Variants in EVPL observed in about 807,000 individuals in gnomAD.
The protein encoded by EVPL is envoplakin.
EVPL carries 94 observed loss-of-function variants against 129.7 expected under a neutral mutation model. That is an observed-to-expected ratio of 0.72 (90% CI 0.61 to 0.86). EVPL has a LOEUF of 0.86. Ranked by LOEUF, EVPL falls within the 40% of genes least tolerant of loss-of-function variation. The pLI is 0.00. For synonymous variants in EVPL, 1,172 were observed against 1,191.1 expected, an observed-to-expected ratio of 0.98 and a Z score of 0.33; for missense variants, 2,625 against 2,721.1, an observed-to-expected ratio of 0.96 and a Z score of 0.79.
At chr17:76,021,346 G>A (rs2066455530) in intron 9 of EVPL, 122 bp downstream of exon 9, 7 of 911,584 alleles carry the variant, frequency 7.7e-6, no homozygotes, top group Non-Finnish European at 1.2e-5. Context: ...GTGAGCCACC[G>A]CGCCCTGCCA....
At position 76,019,048 on chromosome 17, in the gene EVPL, G is replaced by A. The variant is rs374258090; in HGVS notation, c.1150C>T (p.Arg384Trp). The A allele has an allele frequency of 2.7e-5, 43 of 1,574,740 alleles. No homozygotes were observed. Among genetic ancestry groups the A allele is most frequent in the Middle Eastern group, 4.1e-4 (2 of 4,856 alleles). The part of the protein sequence containing the change: ...LLQQLEAEEK[R>W]LAVTERATGD... ...GTGGCCCTCTCGGTGACGGCCAGCC[G>A]TTTTTCCTCTGCCTGCCGGGGGCCC... Residue 384 changes from arginine (R) to tryptophan (W), a missense_variant, in exon 11 of 22, where the codon CGG becomes TGG. By Grantham distance (101) the Arg-to-Trp change is moderately radical. This residue lies in a region of EVPL where 1,024 missense variants were observed against 997.5 expected (regional missense o/e 1.03). Coordinates refer to ENST00000301607, the MANE Select transcript of EVPL (RefSeq NM_001988.4).
Position 76,014,444 on chromosome 17 carries a change from G to C in EVPL, c.2355C>G (p.Tyr785Ter). 1 of 1,610,480 alleles carries C rather than the reference G, an allele frequency of 6.2e-7. No individual in the cohort carries two copies. Among genetic ancestry groups the C allele is most frequent in the Non-Finnish European group, 8.5e-7 (1 of 1,178,906 alleles). ...GCCTCACCTTCTGCGCCTGCAGCTT[G>C]TAGGCGATCTGGCTGGGGCCGTCGC... is the stretch of plus-strand genomic sequence containing the variant. The part of the protein sequence containing the change: ...RPSDGPSQIA[Y>*]KLQAQKRLTQ... The change falls in exon 18 of 22, where the codon TAC (tyrosine) becomes TAG (stop). Residue 785 changes from tyrosine (Y) to a stop codon, truncating the protein, a stop_gained. Transcript: ENST00000301607. LOFTEE classifies it high-confidence loss of function.
chr17:76,017,816 C>T lies in EVPL; in HGVS notation c.1633G>A (p.Val545Met). The part of the protein sequence containing the change: ...DGDLGQIERQ[V>M]LAWARAPLSR... ...AGCGGGGCCCGCGCCCAGGCCAGCA[C>T]CTGCCTCTCTATCTGTCCCAGGTCT... Residue 545 changes from valine (V) to methionine (M), a missense_variant, in exon 14 of 22, where the codon GTG becomes ATG. Around this residue, in one of 4 missense-constraint regions of EVPL, gnomAD observed 1,024 missense variants for 997.5 expected, o/e 1.03. Coordinates refer to ENST00000301607, the MANE Select transcript of EVPL (RefSeq NM_001988.4). 6.2e-7 allele frequency: 1 copy of T among 1,613,810 alleles called. No homozygotes were observed. Among genetic ancestry groups the T allele is most frequent in the Non-Finnish European group, 8.5e-7 (1 of 1,180,036 alleles).
chr17:76,018,535 C>A lies in EVPL; in HGVS notation c.1350G>T (p.Val450=). 1.9e-6 allele frequency: 3 copies of A among 1,612,814 alleles called. No homozygotes were observed. The highest frequency in any genetic ancestry group is 2.5e-6 in the Non-Finnish European group (3 of 1,179,902). The change falls in exon 12 of 22, where the codon GTG becomes GTT. Residue 450 remains valine (V), a synonymous_variant. Transcript: ENST00000301607. Reference sequence around the variant, plus strand: ...GCTTGGTCTCCCCGCCAGGGCCCTGCACGACCCAGGCGTGCGGGTCAGTGT... The same window carrying A: ...GCTTGGTCTCCCCGCCAGGGCCCTGAACGACCCAGGCGTGCGGGTCAGTGT... The part of the protein sequence containing the change: ...VDNTDPHAWV[V]QGPGGETKRA...
In EVPL at chr17:76,007,861, C is replaced by T. The variant is rs1277601771; in HGVS notation, c.5344G>A (p.Gly1782Arg). The T allele has an allele frequency of 3.7e-6, 6 of 1,613,278 alleles. No individual in the cohort carries two copies. In the South Asian group the frequency reaches 6.6e-5, roughly 18 times the overall value. Residue 1782 changes from glycine to arginine, a missense_variant, in exon 22 of 22, where the codon GGG becomes AGG. Gly to Arg is a moderately radical substitution (Grantham distance 125). Around this residue, in one of 4 missense-constraint regions of EVPL, gnomAD observed 1,453 missense variants for 1,511.8 expected, o/e 0.96. Coordinates refer to ENST00000301607, the MANE Select transcript of EVPL (RefSeq NM_001988.4). The surrounding 1 kb of genome is among the most constrained non-coding windows in gnomAD (Gnocchi z 8.8). The stretch of plus-strand genomic sequence containing the variant: ...AGTGAGGAGCTTGGCTTGGTCTCCC[C>T]AGCTACAAGCAGCGCAAACTCGGAG... ...PISEFALLVA[G>R]ETKPSSSLSI...
rs1439343438 is a variant in EVPL at position 76,008,277 on chromosome 17, G to A, written c.4928C>T (p.Ala1643Val). ...CTGGTCCTTCTCGCGGAGGATGGCCGCCTCCAGCCGCGAGAGCTCCTGGCC... is the reference window on the plus strand; with the variant it reads ...CTGGTCCTTCTCGCGGAGGATGGCCACCTCCAGCCGCGAGAGCTCCTGGCC... ...QRGQELSRLEAAILREKDQIY... is the reference protein window; with the variant it reads ...QRGQELSRLEVAILREKDQIY... The change falls in exon 22 of 22, where the codon GCG (alanine) becomes GTG (valine). Residue 1643 changes from alanine (A) to valine (V), a missense_variant. This residue lies in a region of EVPL where 1,453 missense variants were observed against 1,511.8 expected (regional missense o/e 0.96). Coordinates refer to ENST00000301607, the MANE Select transcript of EVPL (RefSeq NM_001988.4). This position sits in a 1 kb window ranked among gnomAD's most constrained non-coding sequence, Gnocchi z 7.4. The A allele has an allele frequency of 1.2e-5, 19 of 1,611,292 alleles. No individual in the cohort carries two copies. The highest frequency in any genetic ancestry group is 1.6e-4 in the Middle Eastern group (1 of 6,082).
rs199755125 is a variant in EVPL, at chr17:76,008,557, G to A, written c.4648C>T (p.Arg1550Trp). ...WEMLNRERTARQAREEEARRL... is the reference protein window; with the variant it reads ...WEMLNRERTAWQAREEEARRL... ...CGTGCCTCCTCCTCCCGGGCCTGCC[G>A]GGCCGTGCGCTCCCTGTTGAGCATC... The change falls in exon 22 of 22, where the codon CGG (arginine) becomes TGG (tryptophan). Residue 1550 changes from arginine (R) to tryptophan (W), a missense_variant. Arg to Trp is a moderately radical substitution (Grantham distance 101). Around this residue, in one of 4 missense-constraint regions of EVPL, gnomAD observed 1,453 missense variants for 1,511.8 expected, o/e 0.96. Coordinates refer to ENST00000301607, the MANE Select transcript of EVPL (RefSeq NM_001988.4). The surrounding 1 kb of genome is among the most constrained non-coding windows in gnomAD (Gnocchi z 7.4). 48 of 1,609,186 alleles carry A rather than the reference G, an allele frequency of 3.0e-5. No homozygotes were observed. The East Asian group carries it at 8.0e-4, about 27-fold the overall frequency.
In EVPL at chr17:76,022,075, T is replaced by C. The variant is rs1330535266; in HGVS notation, c.646-47A>G. ...AGCAGCAGGGTGGGGAGACAGAAAG[T>C]GGGGGGCAAAAGGCGCCATTGGGCC... On this transcript the variant is annotated intron_variant, in intron 6 of 21. Coordinates refer to ENST00000301607, the MANE Select transcript of EVPL (RefSeq NM_001988.4). This position sits in a 1 kb window ranked among gnomAD's most constrained non-coding sequence, Gnocchi z 5.6. The C allele has an allele frequency of 1.9e-6, 3 of 1,562,276 alleles. No individual in the cohort carries two copies.
In EVPL at chr17:76,011,815, T is replaced by C. The variant is rs748468741; in HGVS notation, c.2525A>G (p.Lys842Arg). 20 of 1,612,862 alleles carry C rather than the reference T, an allele frequency of 1.2e-5. No individual in the cohort carries two copies. Among genetic ancestry groups the C allele is most frequent in the Non-Finnish European group, 1.6e-5 (19 of 1,179,628 alleles). The change falls in exon 20 of 22, where the codon AAG becomes AGG. Residue 842 changes from lysine (K) to arginine (R), a missense_variant. Physicochemically the swap from Lys to Arg is conservative, Grantham distance 26. This residue lies in a region of EVPL where 1,024 missense variants were observed against 997.5 expected (regional missense o/e 1.03). Transcript: ENST00000301607. ...LEPTLAVSAP[K>R]RPRVAPLQES... is the part of the protein sequence containing the mutation. ...TTGCAGGGGAGCCACTCGGGGTCTC[T>C]TGGGGGCTGACACTGCCAGGGTGGG...
rs1167629734 is a variant in EVPL at position 76,009,434 on chromosome 17, C to T, written c.3771G>A (p.Val1257=). 6.2e-7 allele frequency: 1 copy of T among 1,614,138 alleles called. No homozygotes were observed. The highest frequency in any genetic ancestry group is 8.5e-7 in the Non-Finnish European group (1 of 1,180,008). The change falls in exon 22 of 22, where the codon GTG becomes GTA. Residue 1257 remains valine, a synonymous_variant. Transcript: ENST00000301607. This position sits in a 1 kb window ranked among gnomAD's most constrained non-coding sequence, Gnocchi z 5.9. ...CCTCGGGGCTCCTCTCATGCCTCAC[C>T]ACCTCCTGGGTCACCTCCTTGTACT... is the stretch of plus-strand genomic sequence containing the variant. ...TVEYKEVTQE[V]VRHERSPEVL... is the part of the protein sequence containing the mutation.
intron 9 of EVPL, among the ~76,000 whole-genome samples, chr17:76,019,982 T>G (rs2066446276): frequency 1.3e-5 from 2 of 151,674 alleles, no homozygotes; most frequent in Non-Finnish European, 2.9e-5. Context: ...CAGCTAAACC[T>G]AAACCAGCCA....
In EVPL at chr17:76,007,378, C is replaced by T; in HGVS notation, c.5827G>A (p.Gly1943Arg). Residue 1943 changes from glycine (G) to arginine (R), a missense_variant, in exon 22 of 22, where the codon GGG (glycine) becomes AGG (arginine). By Grantham distance (125) the Gly-to-Arg change is moderately radical (BLOSUM62 -2). Around this residue, in one of 4 missense-constraint regions of EVPL, gnomAD observed 1,453 missense variants for 1,511.8 expected, o/e 0.96. Coordinates refer to ENST00000301607, the MANE Select transcript of EVPL (RefSeq NM_001988.4). This position sits in a 1 kb window ranked among gnomAD's most constrained non-coding sequence, Gnocchi z 8.8. ...PHLQVQHLTGGLIDPKRTGRI... is the reference protein window; with the variant it reads ...PHLQVQHLTGRLIDPKRTGRI... ...CCTGTCCTCTTGGGGTCGATGAGCC[C>T]CCCGGTCAGGTGCTGCACCTGCAGG... The T allele has an allele frequency of 6.3e-7, 1 of 1,598,258 alleles. No homozygotes were observed. Among genetic ancestry groups the T allele is most frequent in the Non-Finnish European group, 8.6e-7 (1 of 1,169,168 alleles).
chr17:76,025,657 C>A (rs2066493478), intron 1 of EVPL, among the ~76,000 whole-genome samples: 1 of 152,216 alleles, frequency 6.6e-6, no homozygotes, highest in Admixed American at 6.5e-5. Context: ...TAACCACTGT[C>A]TTTCCCGTCC....
chr17:76,016,418 C>T (rs1483554566), intron 14 of EVPL, among the ~76,000 whole-genome samples: 1 of 152,218 alleles, frequency 6.6e-6, no homozygotes, highest in African/African-American at 2.4e-5. Flanking sequence ...AGGCACCACC[C>T]ACCGCCCAGT....
rs759249866 is a variant in EVPL, at chr17:76,008,357, C to T, written c.4848G>A (p.Glu1616=). Residue 1616 remains glutamate, a synonymous_variant, in exon 22 of 22, where the codon GAG becomes GAA. Coordinates refer to ENST00000301607, the MANE Select transcript of EVPL (RefSeq NM_001988.4). This position sits in a 1 kb window ranked among gnomAD's most constrained non-coding sequence, Gnocchi z 7.4. ...KQQQTLQLQE[E]SKLLSQKTES... ...CCGTCTTCTGGCTGAGCAGCTTCGA[C>T]TCCTCCTGCAGCTGCAGTGTCTGCT... 3.0e-5 allele frequency: 48 copies of T among 1,602,872 alleles called. No individual in the cohort carries two copies. The Middle Eastern group carries it at 8.2e-4, about 27-fold the overall frequency.
At chr17:76,010,874 AACATAGTG>A (rs1339551169) in intron 21 of EVPL, among the ~76,000 whole-genome samples, 1 of 152,158 alleles carries the variant, frequency 6.6e-6, no homozygotes, top group East Asian at 1.9e-4. Flanking sequence ...CAGCCTGATC[AACATAGTG>A]AAACCCCATC....
intron 2 of EVPL, 107 bp from the exon 3 acceptor site, chr17:76,023,761 C>T: frequency 6.9e-7 from 1 of 1,442,674 alleles, no homozygotes; most frequent in South Asian, 1.5e-5. Context: ...CTATGCTAGC[C>T]AACCTTGAGG....
intron 2 of EVPL, among the ~76,000 whole-genome samples, 163 bp downstream of exon 2, chr17:76,023,858 C>T (rs1261460827): frequency 1.3e-5 from 2 of 152,220 alleles, no homozygotes; most frequent in Admixed American, 1.3e-4. Flanking sequence ...GGAAGCTGAG[C>T]CCTCTCTCCC....
Position 76,008,627 on chromosome 17 carries a change from C to T in EVPL, c.4578G>A (p.Val1526=), listed in dbSNP as rs2066344832. 3 of 1,612,190 alleles carry T rather than the reference C, an allele frequency of 1.9e-6. No homozygotes were observed. In the South Asian group the frequency reaches 3.3e-5, roughly 18 times the overall value. The change falls in exon 22 of 22, where the codon GTG becomes GTA. Residue 1526 remains valine, a synonymous_variant. Coordinates refer to ENST00000301607, the MANE Select transcript of EVPL (RefSeq NM_001988.4). The surrounding 1 kb of genome is among the most constrained non-coding windows in gnomAD (Gnocchi z 7.4). ...CATCTTCCAGGACGCGGTCCTTCTG[C>T]ACCCGGATCACTTCCTTGTAGATGG... ...EKTIYKEVIR[V]QKDRVLEDER...
Sources: gnomAD v4.1 joint callset for allele counts (sites outside exome capture counted in the v4.1 genomes callset) on GRCh38, gnomAD v4.1.1 for gene constraint, gnomAD v4.1.1 regional missense constraint, Gnocchi (gnomAD v3.1) non-coding constraint, MANE v1.5 for transcripts, NCBI Gene and HGNC (gene_info 2026-07-23, HGNC 2026-07-21) for gene names.